TXNDC16: variants seen among roughly 807,000 people sequenced by gnomAD.
TXNDC16 encodes thioredoxin domain-containing protein 16.
Under a neutral mutation model 85.6 loss-of-function variants are expected in TXNDC16, and 74 were observed. The ratio of observed to expected loss-of-function variants is 0.86; its 90% CI spans 0.72 to 1.05. The LOEUF is 1.05. Ranked by LOEUF, TXNDC16 falls within the 50% of genes least tolerant of loss-of-function variation. The pLI, the probability that TXNDC16 is intolerant of heterozygous loss-of-function variation, is 0.00. For missense variants in TXNDC16, 959 were observed against 947.0 expected (o/e 1.01, Z -0.17); for synonymous variants, 335 against 326.5 (o/e 1.03, Z -0.28).
chr14:52,490,067 G>C, intron 11 of TXNDC16, among the ~76,000 whole-genome samples: 1 of 152,114 alleles, frequency 6.6e-6, no homozygotes, highest in South Asian at 2.1e-4. Flanking sequence ...GGGCTCAAGC[G>C]ATCCACCTGC....
At chr14:52,493,287 A>G (rs28729762) in intron 9 of TXNDC16, among the ~76,000 whole-genome samples, 6,566 of 150,792 alleles carry the variant, frequency 0.044, 474 homozygotes, top group African/African-American at 0.15. Flanking sequence ...ATCAGCTTCT[A>G]GTTTCAAATT....
chr14:52,452,943 G>T (rs930452230), intron 18 of TXNDC16, among the ~76,000 whole-genome samples: 1 of 152,016 alleles, frequency 6.6e-6, no homozygotes, highest in African/African-American at 2.4e-5. Context: ...TCTGACAAGG[G>T]ATTAATAACC....
chr14:52,517,537 C>T (rs971303274), intron 7 of TXNDC16, among the ~76,000 whole-genome samples: 1 of 152,082 alleles, frequency 6.6e-6, no homozygotes, highest in Non-Finnish European at 1.5e-5. Context: ...TTTATAAACT[C>T]TTAGCACCAT....
At chr14:52,511,103 C>T (rs2036942789) in intron 9 of TXNDC16, 137 bp downstream of exon 9, 1 of 651,264 alleles carries the variant, frequency 1.5e-6, no homozygotes, top group Non-Finnish European at 2.3e-6. Flanking sequence ...AAGGGAAAAG[C>T]TATAACTGTC....
chr14:52,543,494 T>C lies in TXNDC16; in HGVS notation c.64A>G (p.Met22Val), dbSNP rs781194832. 20 of 1,613,630 alleles carry C rather than the reference T, an allele frequency of 1.2e-5. No individual in the cohort carries two copies. The highest frequency in any genetic ancestry group is 7.7e-5 in the South Asian group (7 of 91,052). ...ISFVIMCIFY[M>V]PTVNSLPELS... ...TCTGGTAAAGAGTTTACTGTTGGCA[T>C]GTAAAAAATGCACATTATGACAAAA... The change falls in exon 3 of 21, where the codon ATG becomes GTG. Residue 22 changes from methionine (M) to valine (V), a missense_variant. Coordinates refer to ENST00000281741, the MANE Select transcript of TXNDC16 (RefSeq NM_020784.3).
At chr14:52,486,707 A>C (rs2036281166) in intron 12 of TXNDC16, among the ~76,000 whole-genome samples, 1 of 152,176 alleles carries the variant, frequency 6.6e-6, no homozygotes, top group Admixed American at 6.5e-5. Flanking sequence ...TACAGGCACA[A>C]CACCATACAA....
chr14:52,543,514 A>G lies in TXNDC16; in HGVS notation c.44T>C (p.Val15Ala), dbSNP rs749582280. The G allele has an allele frequency of 6.2e-7, 1 of 1,613,670 alleles. No homozygotes were observed. Among genetic ancestry groups the G allele is most frequent in the South Asian group, 1.1e-5 (1 of 91,008 alleles). ...TGGCATGTAAAAAATGCACATTATG[A>G]CAAAAGAGATCCCAACTCTAAAGAC... ...FNVFRVGISFVIMCIFYMPTV... is the reference protein window; with the variant it reads ...FNVFRVGISFAIMCIFYMPTV... Residue 15 changes from valine (V) to alanine (A), a missense_variant, in exon 3 of 21, where the codon GTC becomes GCC. Coordinates refer to ENST00000281741, the MANE Select transcript of TXNDC16 (RefSeq NM_020784.3).
chr14:52,515,669 ATGTGTGTGTGTGTGTGTG>A (rs57407287), intron 7 of TXNDC16, among the ~76,000 whole-genome samples: 2 of 144,244 alleles, frequency 1.4e-5, no homozygotes, highest in African/African-American at 2.5e-5. Context: ...TTTCATACAT[ATGTGTGTGTGTGTGTGTG>A]TGTGTGTGTG....
intron 18 of TXNDC16, among the ~76,000 whole-genome samples, chr14:52,446,638 C>T (rs1361545460): frequency 6.6e-6 from 1 of 152,138 alleles, no homozygotes; most frequent in Non-Finnish European, 1.5e-5. Flanking sequence ...TCCCAGGCTG[C>T]ACAGCTTGTA....
At chr14:52,520,731 C>T (rs898834835) in intron 6 of TXNDC16, among the ~76,000 whole-genome samples, 19 of 152,094 alleles carry the variant, frequency 1.2e-4, no homozygotes, top group Non-Finnish European at 2.4e-4. Flanking sequence ...TTTTGATAGG[C>T]TAAACTTCAA....
At chr14:52,454,515 TA>T in intron 18 of TXNDC16, among the ~76,000 whole-genome samples, 1 of 151,194 alleles carries the variant, frequency 6.6e-6, no homozygotes, top group South Asian at 2.1e-4. Context: ...AAACTTTTTT[TA>T]AACCAGGCTG....
At chr14:52,469,857 GAAGA>G (rs1213157005) in intron 16 of TXNDC16, among the ~76,000 whole-genome samples, 176 bp downstream of exon 16, 1 of 152,086 alleles carries the variant, frequency 6.6e-6, no homozygotes, top group East Asian at 1.9e-4. Flanking sequence ...AAAAAAGATG[GAAGA>G]AATTACATCA....
At chr14:52,439,808 A>C (rs759142863) in intron 19 of TXNDC16, among the ~76,000 whole-genome samples, 1 of 152,232 alleles carries the variant, frequency 6.6e-6, no homozygotes, top group Non-Finnish European at 1.5e-5. Flanking sequence ...TTTCCATAGA[A>C]TTGTGCCTTT....
At chr14:52,515,864 T>C (rs533988033) in intron 7 of TXNDC16, among the ~76,000 whole-genome samples, 2 of 152,156 alleles carry the variant, frequency 1.3e-5, no homozygotes, top group Non-Finnish European at 2.9e-5. Flanking sequence ...TAACTTTTAT[T>C]AGATCAGTAT....
intron 14 of TXNDC16, among the ~76,000 whole-genome samples, chr14:52,480,802 TCCCACTACTGGTTA>T (rs2036126250): frequency 6.6e-6 from 1 of 151,768 alleles, no homozygotes; most frequent in Non-Finnish European, 1.5e-5. Context: ...GATCCAGCAA[TCCCACTACTGGTTA>T]CCCAAAGGAA....
intron 1 of TXNDC16, among the ~76,000 whole-genome samples, chr14:52,548,303 C>T (rs2037979713): frequency 1.3e-5 from 2 of 152,270 alleles, no homozygotes; most frequent in African/African-American, 4.8e-5. Flanking sequence ...GCTTCCACAA[C>T]CCTTCATATT....
At chr14:52,548,399 T>G (rs1324651898) in intron 1 of TXNDC16, among the ~76,000 whole-genome samples, 1 of 152,126 alleles carries the variant, frequency 6.6e-6, no homozygotes, top group African/African-American at 2.4e-5. Context: ...CTAACAGGCT[T>G]CAGATGTTCC....
intron 6 of TXNDC16, among the ~76,000 whole-genome samples, chr14:52,532,783 AG>A (rs2037613557): frequency 6.6e-6 from 1 of 152,032 alleles, no homozygotes; most frequent in Admixed American, 6.6e-5. Context: ...AGAGTACAAC[AG>A]AAAAAAAAAA....
chr14:52,456,158 A>G (rs1468078114), intron 17 of TXNDC16, among the ~76,000 whole-genome samples: 1 of 152,230 alleles, frequency 6.6e-6, no homozygotes, highest in Non-Finnish European at 1.5e-5. Context: ...TCATGCCAGA[A>G]CAAAGTATAG....
Sources: allele counts gnomAD v4.1 joint callset (sites outside exome capture counted in the v4.1 genomes callset), GRCh38; gene constraint gnomAD v4.1.1; transcripts MANE v1.5; gene names NCBI Gene and HGNC (gene_info 2026-07-23, HGNC 2026-07-21).